CENPH: variants seen among roughly 807,000 people sequenced by gnomAD.
The protein encoded by CENPH is centromere protein H.
In CENPH, 40 loss-of-function variants were observed where a neutral mutation model predicts 42.9. That is an observed-to-expected ratio of 0.93 (90% CI 0.72 to 1.21). The LOEUF is 1.21. Ranked by LOEUF, CENPH falls within the 50% of genes most tolerant of loss-of-function variation. The pLI is 0.00. For synonymous variants in CENPH, 88 were observed against 96.5 expected (o/e 0.91, Z 0.52); for missense variants, 302 against 292.9 (o/e 1.03, Z -0.23).
Position 69,208,992 on chromosome 5 carries a change from C to T in CENPH, c.651+633C>T, listed in dbSNP as rs550856526. 2.3e-3 allele frequency among the ~76,000 whole-genome samples: 353 copies of T among 151,360 alleles called. 1 individual carries two copies. The highest frequency in any genetic ancestry group is 8.0e-3 in the African/African-American group (332 of 41,266). ...GTGTTTTTTGGTAGAGATGGGGTTT[C>T]GCCATGTTGGCCAGGCTGGTCTCGA... On this transcript the variant is annotated intron_variant, in intron 8 of 8. Transcript: ENST00000283006.
chr5:69,202,041 C>T (rs1298500111), intron 5 of CENPH, among the ~76,000 whole-genome samples: 1 of 152,158 alleles, frequency 6.6e-6, no homozygotes, highest in Non-Finnish European at 1.5e-5. Context: ...TATGAGAAAT[C>T]TCTGTACCTT....
intron 5 of CENPH, among the ~76,000 whole-genome samples, chr5:69,197,694 C>T (rs1341689540): frequency 6.6e-6 from 1 of 151,852 alleles, no homozygotes; most frequent in Non-Finnish European, 1.5e-5. Flanking sequence ...GGAGATATAC[C>T]TAATGCTAAA....
intron 8 of CENPH, among the ~76,000 whole-genome samples, chr5:69,209,064 G>C (rs1748206909): frequency 6.6e-6 from 1 of 152,156 alleles, no homozygotes; most frequent in East Asian, 1.9e-4. Context: ...CAAAGTGCCG[G>C]GATTACAGGC....
intron 7 of CENPH, among the ~76,000 whole-genome samples, chr5:69,204,505 G>C (rs2112093160): frequency 1.3e-5 from 2 of 149,206 alleles, no homozygotes; most frequent in South Asian, 2.1e-4. Flanking sequence ...ACCCAGGTTT[G>C]TCTTGAACTT....
At chr5:69,206,569 A>G (rs1341784111) in intron 7 of CENPH, among the ~76,000 whole-genome samples, 2 of 150,866 alleles carry the variant, frequency 1.3e-5, no homozygotes, top group East Asian at 1.9e-4. Context: ...GCTCACTACA[A>G]CCCCTGTCTC....
At chr5:69,190,303 C>T (rs906795140) in intron 1 of CENPH, among the ~76,000 whole-genome samples, 4 of 152,216 alleles carry the variant, frequency 2.6e-5, no homozygotes, top group Non-Finnish European at 4.4e-5. Context: ...GCCTAACTGC[C>T]TATTTTTGTG....
chr5:69,190,981 C>G (rs1010176667), intron 1 of CENPH, among the ~76,000 whole-genome samples: 1 of 151,610 alleles, frequency 6.6e-6, no homozygotes, highest in Non-Finnish European at 1.5e-5. Context: ...TTTTTTCCTC[C>G]TCACCCTTGC....
intron 8 of CENPH, among the ~76,000 whole-genome samples, chr5:69,209,293 CGGGTGGATCAT>C (rs1748209861): frequency 6.6e-6 from 1 of 151,720 alleles, no homozygotes; most frequent in South Asian, 2.1e-4. Context: ...GAGGCCAAGG[CGGGTGGATCAT>C]GAGGTCAGGA....
chr5:69,200,463 G>A lies in CENPH; in HGVS notation c.372-2043G>A, dbSNP rs181438690. Among the ~76,000 whole-genome samples, 415 of 152,258 alleles carry A rather than the reference G, an allele frequency of 2.7e-3. 1 individual carries two copies. The highest frequency in any genetic ancestry group is 4.3e-3 in the Non-Finnish European group (295 of 68,036). On this transcript the variant is annotated intron_variant, in intron 5 of 8. Coordinates refer to ENST00000283006, the MANE Select transcript of CENPH (RefSeq NM_022909.4). Reference sequence around the variant, plus strand: ...ACTTAACAGCTTATAATCCTGTGCTGCCAGATGCATGAATTGTCTTCTCAA... The same window carrying A: ...ACTTAACAGCTTATAATCCTGTGCTACCAGATGCATGAATTGTCTTCTCAA...
At chr5:69,197,243 G>T in intron 5 of CENPH, 134 bp downstream of exon 5, 1 of 473,698 alleles carries the variant, frequency 2.1e-6, no homozygotes, top group Non-Finnish European at 3.7e-6. Flanking sequence ...ATTTTTGTAG[G>T]TCCTCCCCAG....
At position 69,199,419 on chromosome 5, in the gene CENPH, A is replaced by T. The variant is rs192727462; in HGVS notation, c.371+2310A>T. 5.5e-3 allele frequency among the ~76,000 whole-genome samples: 837 copies of T among 152,260 alleles called. 3 individuals are homozygous for T. The highest frequency in any genetic ancestry group is 8.3e-3 in the Non-Finnish European group (565 of 68,022). ...CGAACTGCTGAGCTCAAAGGGATCC[A>T]CCTGCGTTGGCCTTCCAAAGTGCTG... On this transcript the variant is annotated intron_variant, in intron 5 of 8. Transcript: ENST00000283006.
chr5:69,193,483 G>T (rs1191902511), intron 2 of CENPH, among the ~76,000 whole-genome samples: 1 of 151,818 alleles, frequency 6.6e-6, no homozygotes. Flanking sequence ...CAATTGGCCA[G>T]ATGTGGTACC....
intron 5 of CENPH, among the ~76,000 whole-genome samples, chr5:69,197,837 T>C (rs979755331): frequency 6.9e-6 from 1 of 145,014 alleles, no homozygotes; most frequent in Non-Finnish European, 1.5e-5. Context: ...AAAATTATTA[T>C]GAGCAAAAAA....
At chr5:69,193,917 A>C (rs879917880) in intron 2 of CENPH, among the ~76,000 whole-genome samples, 1 of 151,810 alleles carries the variant, frequency 6.6e-6, no homozygotes, top group Non-Finnish European at 1.5e-5. Flanking sequence ...CTCCCAAAGT[A>C]CTGGGATTAC....
intron 8 of CENPH, among the ~76,000 whole-genome samples, chr5:69,208,825 T>G (rs1233485352): frequency 6.6e-6 from 1 of 152,154 alleles, no homozygotes; most frequent in Non-Finnish European, 1.5e-5. Context: ...TCAGACGCAG[T>G]CTTGCTCTGT....
chr5:69,206,814 A>T (rs918534762), intron 7 of CENPH, among the ~76,000 whole-genome samples: 1 of 152,146 alleles, frequency 6.6e-6, no homozygotes, highest in Non-Finnish European at 1.5e-5. Flanking sequence ...ATTTGTAAAC[A>T]TTATATAGAT....
rs1748193324 is a variant in CENPH at position 69,208,315 on chromosome 5, C to T, written c.607C>T (p.Gln203Ter). ...ERIKIIRQNLQMEIKITTVIQ... is the reference protein window; with the variant it reads ...ERIKIIRQNL ...GATAAAGATCATACGACAAAACCTA[C>T]AGATGGAGATAAAAATTACTACTGT... Residue 203 changes from glutamine to a stop codon, truncating the protein, a stop_gained, in exon 8 of 9, where the codon CAG becomes TAG. Transcript: ENST00000283006. LOFTEE classifies it high-confidence loss of function. The T allele has an allele frequency of 1.3e-6, 2 of 1,599,340 alleles. No homozygotes were observed. Among genetic ancestry groups the T allele is most frequent in the Non-Finnish European group, 8.6e-7 (1 of 1,167,798 alleles).
At chr5:69,194,728 T>A in intron 3 of CENPH, 33 bp downstream of exon 3, 1 of 1,274,274 alleles carries the variant, frequency 7.8e-7, no homozygotes, top group African/African-American at 1.5e-5. Context: ...GTTTATGGTC[T>A]TTACTAAGAT....
chr5:69,190,797 A>G (rs142740906), intron 1 of CENPH, among the ~76,000 whole-genome samples: 64 of 152,054 alleles, frequency 4.2e-4, no homozygotes, highest in African/African-American at 1.3e-3. Context: ...GGCTGAGGCA[A>G]GAGAATTGAT....
Sources: allele counts gnomAD v4.1 joint callset (sites outside exome capture counted in the v4.1 genomes callset), GRCh38; gene constraint gnomAD v4.1.1; transcripts MANE v1.5; gene names NCBI Gene and HGNC (gene_info 2026-07-23, HGNC 2026-07-21).